ACAN: variants seen among roughly 807,000 people sequenced by gnomAD.
ACAN encodes the protein aggrecan.
ACAN carries 47 observed loss-of-function variants against 169.1 expected under a neutral mutation model. The observed-to-expected ratio is 0.28, with a 90% CI of 0.22 to 0.35. The LOEUF is 0.35. Ranked by LOEUF, ACAN falls within the 10% of genes least tolerant of loss-of-function variation. The pLI is 1.00. For missense variants in ACAN, 2,716 were observed against 2,759.9 expected (o/e 0.98, Z 0.36); for synonymous variants, 1,115 against 1,112.2 (o/e 1.00, Z -0.05).
rs201034051 is a variant in ACAN, at chr15:88,841,695, C to A, written c.630-45C>A. On this transcript the variant is annotated intron_variant, in intron 4 of 18. Transcript: ENST00000560601. ...TTCAAAGGCAGAGGCCATGGGCTTC[C>A]CTTTGTCCCCTGAGTGTCACACCTC... 4 of 1,612,276 alleles carry A rather than the reference C, an allele frequency of 2.5e-6. No individual in the cohort carries two copies. The African/African-American group carries it at 5.3e-5, about 22-fold the overall frequency.
At chr15:88,833,196 C>T (rs1334656733) in intron 1 of ACAN, among the ~76,000 whole-genome samples, 1 of 152,176 alleles carries the variant, frequency 6.6e-6, no homozygotes, top group African/African-American at 2.4e-5. Flanking sequence ...TTGTCTGCAA[C>T]CTGGACACAT....
intron 11 of ACAN, among the ~76,000 whole-genome samples, chr15:88,852,885 G>A (rs994188345): frequency 6.6e-6 from 1 of 152,220 alleles, no homozygotes; most frequent in Non-Finnish European, 1.5e-5. Flanking sequence ...ATGTGCATCT[G>A]AAGAAAGGAG....
intron 6 of ACAN, among the ~76,000 whole-genome samples, chr15:88,844,861 A>C (rs12901266): frequency 0.78 from 118,591 of 152,178 alleles, 47,038 homozygotes; most frequent in African/African-American, 0.91. Context: ...ACTTTTATGT[A>C]CTAAGTGGTG....
In ACAN at chr15:88,858,141, T is replaced by G; in HGVS notation, c.5556T>G (p.Ser1852=). The G allele has an allele frequency of 6.2e-7, 1 of 1,613,906 alleles. No homozygotes were observed. Among genetic ancestry groups the G allele is most frequent in the Non-Finnish European group, 8.5e-7 (1 of 1,179,894 alleles). ...TTAAAGAAGAAGAAGGCTTAGGGTC[T>G]GTGGAACTCAGTGGCCTCCCTTCCG... ...TTFKEEEGLG[S]VELSGLPSGE... Residue 1852 remains serine, a synonymous_variant, in exon 12 of 19, where the codon TCT becomes TCG. Transcript: ENST00000560601. The surrounding 1 kb of genome is among the most constrained non-coding windows in gnomAD (Gnocchi z 4.0).
chr15:88,840,307 C>A, intron 4 of ACAN, 121 bp downstream of exon 4: 3 of 1,281,822 alleles, frequency 2.3e-6, no homozygotes, highest in Middle Eastern at 2.8e-4. Flanking sequence ...TGTGGCCAGC[C>A]TAGGTTAGAG....
Position 88,871,578 on chromosome 15 carries a change from T to C in ACAN, c.7219+38T>C, listed in dbSNP as rs753672211. On this transcript the variant is annotated intron_variant, in intron 15 of 18. Coordinates refer to ENST00000560601, the MANE Select transcript of ACAN (RefSeq NM_001369268.1). The surrounding 1 kb of genome is among the most constrained non-coding windows in gnomAD (Gnocchi z 7.8). The stretch of plus-strand genomic sequence containing the variant: ...GGGCCTCTGGAGCCTGAGAGGAGAG[T>C]GGCGGTGTAGGCAAAGGGCCTCACC... 1.0e-5 allele frequency: 16 copies of C among 1,579,566 alleles called. No homozygotes were observed. The African/African-American group carries it at 1.9e-4, about 19-fold the overall frequency.
Position 88,872,935 on chromosome 15 carries a change from G to T in ACAN, c.7357G>T (p.Asp2453Tyr). The T allele has an allele frequency of 6.2e-7, 1 of 1,613,946 alleles. No homozygotes were observed. The highest frequency in any genetic ancestry group is 1.3e-5 in the African/African-American group (1 of 75,046). ...TGACAACTTTTTTGCCGCTGGAGAG[G>T]ACTGTGTGGTGATGATCTGGCACGA... ...QPDNFFAAGE[D>Y]CVVMIWHEKG... Residue 2453 changes from aspartate to tyrosine, a missense_variant, in exon 17 of 19, where the codon GAC (aspartate) becomes TAC (tyrosine). Asp to Tyr is a radical substitution (Grantham distance 160). Around this residue, in one of 3 missense-constraint regions of ACAN, gnomAD observed 1,389 missense variants for 1,363.7 expected, o/e 1.02. Transcript: ENST00000560601. This position sits in a 1 kb window ranked among gnomAD's most constrained non-coding sequence, Gnocchi z 5.4.
At chr15:88,844,416 C>A (rs112979781) in intron 6 of ACAN, among the ~76,000 whole-genome samples, 1 of 151,606 alleles carries the variant, frequency 6.6e-6, no homozygotes, top group African/African-American at 2.4e-5. Flanking sequence ...CTCTGTCACC[C>A]AGGCTGGAGT....
intron 1 of ACAN, among the ~76,000 whole-genome samples, chr15:88,804,104 G>T (rs1436614086): frequency 6.6e-6 from 1 of 152,202 alleles, no homozygotes; most frequent in Admixed American, 6.5e-5. Flanking sequence ...ACACCTAGGT[G>T]ATTTTAAATC....
chr15:88,858,105 C>T lies in ACAN; in HGVS notation c.5520C>T (p.Ala1840=). 6.2e-7 allele frequency: 1 copy of T among 1,613,704 alleles called. No individual in the cohort carries two copies. Among genetic ancestry groups the T allele is most frequent in the Non-Finnish European group, 8.5e-7 (1 of 1,179,850 alleles). The change falls in exon 12 of 19, where the codon GCC becomes GCT. Residue 1840 remains alanine, a synonymous_variant. Coordinates refer to ENST00000560601, the MANE Select transcript of ACAN (RefSeq NM_001369268.1). This position sits in a 1 kb window ranked among gnomAD's most constrained non-coding sequence, Gnocchi z 4.0. ...TFVDTSLVEV[A]PTTFKEEEGL... is the part of the protein sequence containing the mutation. Reference sequence around the variant, plus strand: ...TGGACACCAGTTTGGTTGAAGTGGCCCCTACTACATTTAAAGAAGAAGAAG... The same window carrying T: ...TGGACACCAGTTTGGTTGAAGTGGCTCCTACTACATTTAAAGAAGAAGAAG...
At position 88,868,494 on chromosome 15, in the gene ACAN, C is replaced by G. The variant is rs189485708; in HGVS notation, c.7060+165C>G. Among the ~76,000 whole-genome samples the G allele has an allele frequency of 1.5e-3, 226 of 152,278 alleles. 3 individuals are homozygous for G. Among genetic ancestry groups the G allele is most frequent in the Admixed American group, 0.012 (186 of 15,290 alleles). On this transcript the variant is annotated intron_variant, in intron 14 of 18. Coordinates refer to ENST00000560601, the MANE Select transcript of ACAN (RefSeq NM_001369268.1). The surrounding 1 kb of genome is among the most constrained non-coding windows in gnomAD (Gnocchi z 5.2). ...ACTGAAAATTCTGCCCCACTGATTC[C>G]CACTCTTTTTCTTGCTCTCCTCCTT...
At position 88,840,031 on chromosome 15, in the gene ACAN, A is replaced by T; in HGVS notation, c.474A>T (p.Arg158Ser). 1 of 1,601,374 alleles carries T rather than the reference A, an allele frequency of 6.2e-7. No individual in the cohort carries two copies. Among genetic ancestry groups the T allele is most frequent in the South Asian group, 1.1e-5 (1 of 88,586 alleles). Residue 158 changes from arginine (R) to serine (S), a missense_variant, in exon 4 of 19, where the codon AGA becomes AGT. Coordinates refer to ENST00000560601, the MANE Select transcript of ACAN (RefSeq NM_001369268.1). ...VVVKGIVFHY[R>S]AISTRYTLDF... ...TTGCAGGCATCGTGTTCCATTACAGAGCCATCTCTACACGCTACACCCTCG... is the reference window on the plus strand; with the variant it reads ...TTGCAGGCATCGTGTTCCATTACAGTGCCATCTCTACACGCTACACCCTCG...
At position 88,847,255 on chromosome 15, in the gene ACAN, A is replaced by G. The variant is rs1232219601; in HGVS notation, c.1442A>G (p.His481Arg). ...CCTCCCCACCCAGGGGTCGTCTTCC[A>G]CTACCGCCCGGGACCCACCCGCTAC... ...QPHLPGGVVFHYRPGPTRYSL... is the reference protein window; with the variant it reads ...QPHLPGGVVFRYRPGPTRYSL... Residue 481 changes from histidine (H) to arginine (R), a missense_variant, in exon 8 of 19, where the codon CAC becomes CGC. This residue lies in a region of ACAN where 1,283 missense variants were observed against 1,281.5 expected (regional missense o/e 1.00). Coordinates refer to ENST00000560601, the MANE Select transcript of ACAN (RefSeq NM_001369268.1). 2 of 1,551,970 alleles carry G rather than the reference A, an allele frequency of 1.3e-6. No homozygotes were observed. Among genetic ancestry groups the G allele is most frequent in the Admixed American group, 1.9e-5 (1 of 51,724 alleles).
Position 88,843,332 on chromosome 15 carries a change from C to G in ACAN, c.758-23C>G, listed in dbSNP as rs769605439. The G allele has an allele frequency of 6.5e-7, 1 of 1,544,558 alleles. No homozygotes were observed. On this transcript the variant is annotated intron_variant, in intron 5 of 18. Transcript: ENST00000560601. The surrounding 1 kb of genome is among the most constrained non-coding windows in gnomAD (Gnocchi z 4.0). ...GGGGGAGGGGGGAGAAGACCCTTAC[C>G]CAGCTGGCTGTGTCCTTCACAGGTG...
chr15:88,823,505 C>T (rs1248314374), intron 1 of ACAN, among the ~76,000 whole-genome samples: 1 of 152,002 alleles, frequency 6.6e-6, no homozygotes, highest in African/African-American at 2.4e-5. Context: ...CCCAGTGCTT[C>T]TCCACTTTAA....
Position 88,839,914 on chromosome 15 carries a change from G to C in ACAN, c.455-98G>C. 1.4e-6 allele frequency: 2 copies of C among 1,423,068 alleles called. No individual in the cohort carries two copies. Among genetic ancestry groups the C allele is most frequent in the Non-Finnish European group, 1.9e-6 (2 of 1,045,158 alleles). 88.2% of individuals were successfully genotyped at this position (1,423,068 alleles called of 1,614,324 possible). A position where few individuals can be genotyped will look rare whatever the true frequency, so the allele number is the denominator to read the frequency against. On this transcript the variant is annotated intron_variant, in intron 3 of 18. Coordinates refer to ENST00000560601, the MANE Select transcript of ACAN (RefSeq NM_001369268.1). This position sits in a 1 kb window ranked among gnomAD's most constrained non-coding sequence, Gnocchi z 4.5. Reference sequence around the variant, plus strand: ...CAGCCCAGACCAGCCAGTTCCCTAAGGTCCCTTTGACTATTGCCATAATTC... The same window carrying C: ...CAGCCCAGACCAGCCAGTTCCCTAACGTCCCTTTGACTATTGCCATAATTC...
intron 1 of ACAN, among the ~76,000 whole-genome samples, chr15:88,817,225 T>G (rs1361187686): frequency 6.6e-6 from 1 of 152,120 alleles, no homozygotes; most frequent in African/African-American, 2.4e-5. Flanking sequence ...CGCTGCAACC[T>G]CTGCCTCCCG....
chr15:88,813,288 A>C (rs967611512), intron 1 of ACAN, among the ~76,000 whole-genome samples: 9 of 152,272 alleles, frequency 5.9e-5, no homozygotes, highest in African/African-American at 2.2e-4. Flanking sequence ...AGAAGTGTAC[A>C]GCCACATTCT....
chr15:88,819,097 G>A (rs1207617283), intron 1 of ACAN, among the ~76,000 whole-genome samples: 1 of 152,180 alleles, frequency 6.6e-6, no homozygotes, highest in Admixed American at 6.5e-5. Flanking sequence ...GCATCCTGTT[G>A]GGAGGCTATT....
Sources: allele counts gnomAD v4.1 joint callset (sites outside exome capture counted in the v4.1 genomes callset), GRCh38; gene constraint gnomAD v4.1.1; regional missense constraint gnomAD v4.1.1; non-coding constraint Gnocchi (gnomAD v3.1); transcripts MANE v1.5; gene names NCBI Gene and HGNC (gene_info 2026-07-23, HGNC 2026-07-21).